HPCAL1: variants seen among roughly 807,000 people sequenced by gnomAD.
HPCAL1 encodes the protein hippocalcin like 1, also known as hippocalcin-like protein 1.
In HPCAL1, 8 loss-of-function variants were observed where a neutral mutation model predicts 17.1. That is an observed-to-expected ratio of 0.47 (90% CI 0.27 to 0.84). The LOEUF is 0.84. Among genes scored for constraint, HPCAL1 ranks in the 40% least tolerant of loss-of-function variants. The probability of loss-of-function intolerance (pLI) is 0.13; values close to 1 mark genes in which losing one functional copy is unlikely to be tolerated. For synonymous variants in HPCAL1, 112 were observed against 111.4 expected, an observed-to-expected ratio of 1.01 and a Z score of -0.03; for missense variants, 165 against 271.1, an observed-to-expected ratio of 0.61 and a Z score of 2.75.
In HPCAL1 at chr2:10,423,102, G is replaced by T; in HGVS notation, c.484+14G>T. 6.3e-7 allele frequency: 1 copy of T among 1,581,256 alleles called. No individual in the cohort carries two copies. Among genetic ancestry groups the T allele is most frequent in the Non-Finnish European group, 8.7e-7 (1 of 1,150,900 alleles). ...CCAACAATGACGGTAGTGCGGGGTG[G>T]GGGCGGGGCTGCATGTGTACGCCAC... On this transcript the variant is annotated intron_variant, in intron 4 of 4. Transcript: ENST00000307845.
At chr2:10,307,107 C>A (rs1370588712) in intron 1 of HPCAL1, among the ~76,000 whole-genome samples, 2 of 151,730 alleles carry the variant, frequency 1.3e-5, no homozygotes, top group African/African-American at 2.4e-5. Context: ...TGTCTTAGCC[C>A]CACCTGTGGC....
At chr2:10,421,497 T>C (rs568777726) in intron 3 of HPCAL1, among the ~76,000 whole-genome samples, 1 of 152,178 alleles carries the variant, frequency 6.6e-6, no homozygotes, top group Non-Finnish European at 1.5e-5. Context: ...GCCCGGGAGT[T>C]TGAGACCAGC....
intron 1 of HPCAL1, among the ~76,000 whole-genome samples, chr2:10,375,306 T>C (rs35175708): frequency 1.9e-3 from 297 of 152,354 alleles, no homozygotes; most frequent in African/African-American, 6.9e-3. Flanking sequence ...CAACACTTTG[T>C]TCTTACCTAG....
At chr2:10,382,595 A>T (rs1274489802) in intron 1 of HPCAL1, among the ~76,000 whole-genome samples, 31 of 67,848 alleles carry the variant, frequency 4.6e-4, no homozygotes, top group African/African-American at 1.1e-3. Flanking sequence ...TCATTAATTA[A>T]AAAAAAAAAA....
chr2:10,377,597 G>T lies in HPCAL1; in HGVS notation c.-110-19238G>T, dbSNP rs13417997. ...CCTCTGAAGCCCCCTGCCAGCTCTC[G>T]GCAGCCCCCTCCTCCCCCTGGCTCC... On this transcript the variant is annotated intron_variant, in intron 1 of 4. Transcript: ENST00000307845. This position sits in a 1 kb window ranked among gnomAD's most constrained non-coding sequence, Gnocchi z 5.9. Among the ~76,000 whole-genome samples the T allele has an allele frequency of 6.6e-6, 1 of 151,350 alleles. No homozygotes were observed. Among genetic ancestry groups the T allele is most frequent in the African/African-American group, 2.4e-5 (1 of 41,090 alleles).
rs757701005 is a variant in HPCAL1, at chr2:10,420,040, G to A, written c.283G>A (p.Gly95Ser). The change falls in exon 3 of 5, where the codon GGC becomes AGC. Residue 95 changes from glycine (G) to serine (S), a missense_variant. Physicochemically the swap from Gly to Ser is moderately conservative, Grantham distance 56. Coordinates refer to ENST00000307845, the MANE Select transcript of HPCAL1 (RefSeq NM_002149.4). ...CATTGCGCTGAGCGTGACCTCGCGG[G>A]GCAAGCTGGAGCAGAAGCTCAAGTG... ...FIIALSVTSR[G>S]KLEQKLKWAF... The A allele has an allele frequency of 6.2e-7, 1 of 1,613,894 alleles. No homozygotes were observed. The highest frequency in any genetic ancestry group is 2.2e-5 in the East Asian group (1 of 44,870).
At position 10,426,918 on chromosome 2, in the gene HPCAL1, C is replaced by T; in HGVS notation, c.*97C>T. On this transcript the variant is annotated 3_prime_UTR_variant, in exon 5 of 5. Coordinates refer to ENST00000307845, the MANE Select transcript of HPCAL1 (RefSeq NM_002149.4). Reference sequence around the variant, plus strand: ...GATGCCCCGCAATCGTTCCTGCTCTCCCGGGCCCCGGGCCTGGGGCATGCG... The same window carrying T: ...GATGCCCCGCAATCGTTCCTGCTCTTCCGGGCCCCGGGCCTGGGGCATGCG... The T allele has an allele frequency of 8.7e-7, 1 of 1,147,018 alleles. No individual in the cohort carries two copies. Among genetic ancestry groups the T allele is most frequent in the Non-Finnish European group, 1.3e-6 (1 of 777,012 alleles). The allele number at this position is 1,147,018 out of a possible 1,614,324, so 71.1% of individuals were successfully genotyped here. A position where few individuals can be genotyped will look rare whatever the true frequency, so the allele number is the denominator to read the frequency against.
chr2:10,384,782 T>G lies in HPCAL1; in HGVS notation c.-110-12053T>G, dbSNP rs1449690154. On this transcript the variant is annotated intron_variant, in intron 1 of 4. Coordinates refer to ENST00000307845, the MANE Select transcript of HPCAL1 (RefSeq NM_002149.4). The surrounding 1 kb of genome is among the most constrained non-coding windows in gnomAD (Gnocchi z 4.4). ...AAGCCTCAAGACTTCTCTTTCTGAT[T>G]GTGAAGTGAGCTGAGCAGACTGAAA... Among the ~76,000 whole-genome samples, 1 of 151,978 alleles carries G rather than the reference T, an allele frequency of 6.6e-6. No individual in the cohort carries two copies. Among genetic ancestry groups the G allele is most frequent in the Non-Finnish European group, 1.5e-5 (1 of 67,980 alleles).
At chr2:10,309,020 G>A (rs1662793889) in intron 1 of HPCAL1, among the ~76,000 whole-genome samples, 1 of 151,988 alleles carries the variant, frequency 6.6e-6, no homozygotes, top group Non-Finnish European at 1.5e-5. Flanking sequence ...GCAATATTGT[G>A]AGACCCTGCT....
At chr2:10,381,808 C>T (rs1201590746) in intron 1 of HPCAL1, among the ~76,000 whole-genome samples, 1 of 152,230 alleles carries the variant, frequency 6.6e-6, no homozygotes. Context: ...AAGCCTCACT[C>T]ACTGCTGGTG....
At chr2:10,390,534 A>G (rs1274117278) in intron 1 of HPCAL1, among the ~76,000 whole-genome samples, 1 of 151,946 alleles carries the variant, frequency 6.6e-6, no homozygotes, top group Admixed American at 6.6e-5. Context: ...TCCCTAAGGG[A>G]CTTTGCTTTG....
rs775281316 is a variant in HPCAL1 at position 10,426,993 on chromosome 2, C to T, written c.*172C>T. On this transcript the variant is annotated 3_prime_UTR_variant, in exon 5 of 5. Coordinates refer to ENST00000307845, the MANE Select transcript of HPCAL1 (RefSeq NM_002149.4). ...GCGCCTCCCTCCTCCACCTGACCAA[C>T]GCGACATTCCTCCCCTCACGCCTGG... The T allele has an allele frequency of 3.9e-5, 24 of 613,168 alleles. No homozygotes were observed. The highest frequency in any genetic ancestry group is 9.2e-5 in the African/African-American group (5 of 54,356). 38.0% of individuals were successfully genotyped at this position (613,168 alleles called of 1,614,324 possible).
chr2:10,324,777 T>C (rs1265434535), intron 1 of HPCAL1, among the ~76,000 whole-genome samples: 2 of 151,708 alleles, frequency 1.3e-5, no homozygotes, highest in Admixed American at 1.3e-4. Flanking sequence ...TTATTGGTTT[T>C]TACATTTTGT....
intron 1 of HPCAL1, among the ~76,000 whole-genome samples, chr2:10,317,214 T>C (rs1663370287): frequency 6.6e-6 from 1 of 152,208 alleles, no homozygotes; most frequent in Admixed American, 6.5e-5. Context: ...ACTTACAGTG[T>C]GATTTCTGAC....
At chr2:10,422,901 TG>T in intron 3 of HPCAL1, 81 bp from the exon 4 acceptor site, 2 of 954,490 alleles carry the variant, frequency 2.1e-6, no homozygotes, top group Non-Finnish European at 3.3e-6. Flanking sequence ...AGCCTTGTTG[TG>T]GGCTGGGCGG....
At chr2:10,399,254 C>CGCCGCTGCCGCT (rs1669300465) in intron 2 of HPCAL1, among the ~76,000 whole-genome samples, 1 of 143,174 alleles carries the variant, frequency 7.0e-6, no homozygotes, top group Non-Finnish European at 1.6e-5. Context: ...CCACCACCAC[C>CGCCGCTGCCGCT]ACCACCATCA....
intron 1 of HPCAL1, among the ~76,000 whole-genome samples, chr2:10,379,758 C>G (rs932245080): frequency 6.6e-6 from 1 of 152,214 alleles, no homozygotes; most frequent in Admixed American, 6.5e-5. Context: ...TAAAATTTCA[C>G]AGGGTTAAAG....
intron 1 of HPCAL1, among the ~76,000 whole-genome samples, chr2:10,328,283 G>C (rs73161246): frequency 1.5e-3 from 230 of 152,374 alleles, no homozygotes; most frequent in African/African-American, 5.2e-3. Flanking sequence ...TTGGCGCTCA[G>C]ATGCATCTGA....
At chr2:10,316,847 T>C (rs1170167577) in intron 1 of HPCAL1, among the ~76,000 whole-genome samples, 1 of 152,188 alleles carries the variant, frequency 6.6e-6, no homozygotes, top group Non-Finnish European at 1.5e-5. Flanking sequence ...CTGTTCATAT[T>C]TATGGTCTGG....
Sources: allele counts gnomAD v4.1 joint callset (sites outside exome capture counted in the v4.1 genomes callset), GRCh38; gene constraint gnomAD v4.1.1; non-coding constraint Gnocchi (gnomAD v3.1); transcripts MANE v1.5; gene names NCBI Gene and HGNC (gene_info 2026-07-23, HGNC 2026-07-21).